The following PIK3C3 variants were observed in gnomAD, a reference collection of about 807,000 sequenced individuals.
PIK3C3 encodes PI3-kinase type 3.
PIK3C3 carries 95 observed loss-of-function variants against 126.1 expected under a neutral mutation model. The observed-to-expected ratio is 0.75, with a 90% CI of 0.64 to 0.89. The LOEUF is 0.89. Ranked by LOEUF, PIK3C3 falls within the 40% of genes least tolerant of loss-of-function variation. The probability of loss-of-function intolerance (pLI) is 0.00; values close to 1 mark genes in which losing one functional copy is unlikely to be tolerated. For missense variants in PIK3C3, 829 were observed against 1,063.2 expected (o/e 0.78, Z 3.06); for synonymous variants, 374 against 360.0 (o/e 1.04, Z -0.44).
chr18:42,004,325 T>A (rs1334012688), intron 9 of PIK3C3, 31 bp from the exon 10 acceptor site: 7 of 1,555,988 alleles, frequency 4.5e-6, no homozygotes, highest in African/African-American at 4.1e-5. Flanking sequence ...AAATAGGCTG[T>A]TTCTAATTTT....
chr18:42,025,461 T>C (rs1367703473), intron 13 of PIK3C3: 1 of 152,204 alleles, frequency 6.6e-6, no homozygotes, highest in Admixed American at 6.5e-5. Context: ...GTTCTCTGGT[T>C]TGGCTGCAGC....
At chr18:41,999,728 T>A (rs1212966751) in intron 9 of PIK3C3, among the ~76,000 whole-genome samples, 1 of 152,106 alleles carries the variant, frequency 6.6e-6, no homozygotes, top group Non-Finnish European at 1.5e-5. Flanking sequence ...AATAAACATA[T>A]AAGTAATTAA....
chr18:42,062,157 A>C (rs1985343200), intron 22 of PIK3C3, among the ~76,000 whole-genome samples: 1 of 152,130 alleles, frequency 6.6e-6, no homozygotes, highest in Admixed American at 6.5e-5. Flanking sequence ...AGATTTCCCC[A>C]TGCCAAGATG....
intron 1 of PIK3C3, among the ~76,000 whole-genome samples, chr18:41,957,333 G>A (rs187941643): frequency 6.6e-5 from 10 of 152,194 alleles, no homozygotes; most frequent in Admixed American, 2.0e-4. Flanking sequence ...ATGAAGATGG[G>A]ACTGATATTA....
At chr18:41,987,100 T>G (rs1290138886) in intron 4 of PIK3C3, among the ~76,000 whole-genome samples, 1 of 147,556 alleles carries the variant, frequency 6.8e-6, no homozygotes, top group Non-Finnish European at 1.5e-5. Flanking sequence ...TACTGTCAAT[T>G]TGTTTAGAAG....
At chr18:42,027,358 C>T in intron 13 of PIK3C3, 85 bp from the exon 14 acceptor site, 1 of 603,402 alleles carries the variant, frequency 1.7e-6, no homozygotes, top group South Asian at 2.7e-5. Flanking sequence ...GTAAATTAAT[C>T]TGTTTTAGTG....
intron 12 of PIK3C3, among the ~76,000 whole-genome samples, chr18:42,017,169 A>G (rs192261703): frequency 8.5e-5 from 13 of 152,146 alleles, no homozygotes; most frequent in Admixed American, 7.2e-4. Flanking sequence ...GTATTGTACA[A>G]GCCATTGTCA....
intron 24 of PIK3C3, among the ~76,000 whole-genome samples, chr18:42,076,343 T>A (rs768598964): frequency 1.6e-4 from 24 of 151,750 alleles, no homozygotes; most frequent in Non-Finnish European, 2.8e-4. Flanking sequence ...CTTGTAAATT[T>A]AAATTATCTT....
chr18:42,058,419 T>C (rs1985168804), intron 22 of PIK3C3, among the ~76,000 whole-genome samples: 2 of 152,208 alleles, frequency 1.3e-5, no homozygotes, highest in Non-Finnish European at 2.9e-5. Context: ...ACCATTCAGA[T>C]CTGCCTGAAG....
At chr18:42,057,842 A>C (rs753731533) in intron 21 of PIK3C3, 41 bp from the exon 22 acceptor site, 1 of 1,592,620 alleles carries the variant, frequency 6.3e-7, no homozygotes, top group Admixed American at 1.7e-5. Flanking sequence ...CAGTTCTTTA[A>C]GATAATTCTG....
intron 20 of PIK3C3, among the ~76,000 whole-genome samples, chr18:42,044,034 A>T (rs957495099): frequency 3.9e-5 from 6 of 152,218 alleles, no homozygotes; most frequent in Admixed American, 3.9e-4. Context: ...ATATCTTTGT[A>T]ATCACTGAAC....
chr18:42,033,799 T>A, intron 15 of PIK3C3, 27 bp from the exon 16 acceptor site: 1 of 1,531,192 alleles, frequency 6.5e-7, no homozygotes, highest in Non-Finnish European at 8.9e-7. Flanking sequence ...TATTTTAACC[T>A]CATTAATCCT....
At chr18:42,004,258 G>C in intron 9 of PIK3C3, 98 bp from the exon 10 acceptor site, 18 of 829,524 alleles carry the variant, frequency 2.2e-5, no homozygotes, top group Non-Finnish European at 3.5e-5. Flanking sequence ...CACTGACTCC[G>C]TGGCTCTGTC....
chr18:42,009,166 C>T (rs897901288), intron 10 of PIK3C3, among the ~76,000 whole-genome samples: 1 of 152,064 alleles, frequency 6.6e-6, no homozygotes, highest in Non-Finnish European at 1.5e-5. Context: ...TGAATCTCAA[C>T]TATGATAATA....
Position 41,955,537 on chromosome 18 carries a change from T to C in PIK3C3, c.68+178T>C. On this transcript the variant is annotated intron_variant, in intron 1 of 24. Transcript: ENST00000262039. ...GAGTGGATCGTGGAGAGGGGCTCTT[T>C]TGGAAAAGGATTTAATACGTGGTCT... 6 of 558,072 alleles carry C rather than the reference T, an allele frequency of 1.1e-5. No individual in the cohort carries two copies. In the South Asian group the frequency reaches 1.1e-4, roughly 10 times the overall value. The allele number at this position is 558,072 out of a possible 1,614,324, so 34.6% of individuals were successfully genotyped here.
intron 4 of PIK3C3, chr18:41,985,111 A>G (rs1171049754): frequency 6.6e-6 from 1 of 152,156 alleles, no homozygotes; most frequent in Non-Finnish European, 1.5e-5. Context: ...TAGAAATGTG[A>G]GTAAAGCCAG....
chr18:41,980,939 G>A (rs989731537), intron 4 of PIK3C3, among the ~76,000 whole-genome samples: 1 of 152,058 alleles, frequency 6.6e-6, no homozygotes, highest in African/African-American at 2.4e-5. Flanking sequence ...TTCCTCGAAT[G>A]TTTTGTAAAT....
intron 24 of PIK3C3, among the ~76,000 whole-genome samples, chr18:42,067,900 C>T (rs1435411932): frequency 6.6e-6 from 1 of 152,216 alleles, no homozygotes; most frequent in Non-Finnish European, 1.5e-5. Context: ...CCACATCACA[C>T]ACCAGAAAGG....
chr18:42,044,104 C>G (rs150277824), intron 20 of PIK3C3, among the ~76,000 whole-genome samples: 458 of 152,208 alleles, frequency 3.0e-3, no homozygotes, highest in Non-Finnish European at 5.1e-3. Context: ...TAGATTTTCT[C>G]TATTTTTGAA....
Sources: gnomAD v4.1 joint callset for allele counts (sites outside exome capture counted in the v4.1 genomes callset) on GRCh38, gnomAD v4.1.1 for gene constraint, MANE v1.5 for transcripts, NCBI Gene and HGNC (gene_info 2026-07-23, HGNC 2026-07-21) for gene names.